The following GPR158 variants were observed in gnomAD, a reference collection of about 807,000 sequenced individuals.
The protein encoded by GPR158 is metabotropic glycine receptor.
A neutral mutation model predicts 78.2 loss-of-function variants in GPR158; 30 were observed. The observed-to-expected ratio is 0.38, with a 90% CI of 0.29 to 0.52. The LOEUF (loss-of-function observed/expected upper bound fraction) is 0.52, where lower values mean the gene tolerates loss of function less well. Ranked by LOEUF, GPR158 falls within the 20% of genes least tolerant of loss-of-function variation. The pLI, the probability that GPR158 is intolerant of heterozygous loss-of-function variation, is 0.83. For synonymous variants in GPR158, 581 were observed against 591.1 expected (o/e 0.98, Z 0.25); for missense variants, 1,463 against 1,523.5 (o/e 0.96, Z 0.66).
chr10:25,319,610 T>C (rs1184025697), intron 2 of GPR158, among the ~76,000 whole-genome samples: 1 of 152,220 alleles, frequency 6.6e-6, no homozygotes, highest in Non-Finnish European at 1.5e-5. Context: ...CCTTATTTGC[T>C]GCCAGCTGGG....
At chr10:25,337,344 C>T (rs769338123) in intron 2 of GPR158, among the ~76,000 whole-genome samples, 1 of 152,032 alleles carries the variant, frequency 6.6e-6, no homozygotes, top group Non-Finnish European at 1.5e-5. Flanking sequence ...CAAGGGTAAA[C>T]ACATTTCTAA....
In GPR158 at chr10:25,214,211, G is replaced by C. The variant is rs546399958; in HGVS notation, c.903-6841G>C. On this transcript the variant is annotated intron_variant, in intron 1 of 10. Transcript: ENST00000376351. ...GGGTTTCACTGTGTTAGCCAGGACAGTGTTGATCTCCTGACCTCGTGATCC... is the reference window on the plus strand; with the variant it reads ...GGGTTTCACTGTGTTAGCCAGGACACTGTTGATCTCCTGACCTCGTGATCC... Among the ~76,000 whole-genome samples, 8 of 152,224 alleles carry C rather than the reference G, an allele frequency of 5.3e-5. No homozygotes were observed. In the South Asian group the frequency reaches 1.7e-3, roughly 32 times the overall value.
chr10:25,453,948 GT>G (rs1335223509), intron 4 of GPR158, among the ~76,000 whole-genome samples: 8 of 151,942 alleles, frequency 5.3e-5, no homozygotes, highest in Non-Finnish European at 1.0e-4. Context: ...TTTGGATTTT[GT>G]TTCTATTTCT....
chr10:25,383,914 G>A (rs2130569000), intron 2 of GPR158, among the ~76,000 whole-genome samples: 1 of 152,318 alleles, frequency 6.6e-6, no homozygotes, highest in Middle Eastern at 3.4e-3. Flanking sequence ...TCAGCCAGTT[G>A]CTAGCTGTGT....
intron 5 of GPR158, among the ~76,000 whole-genome samples, chr10:25,516,425 T>G (rs1274967079): frequency 2.6e-5 from 4 of 152,116 alleles, no homozygotes; most frequent in Non-Finnish European, 5.9e-5. Flanking sequence ...TTTTGGTGTT[T>G]TGGACGTGAA....
At chr10:25,380,036 TAACA>T (rs1834134248) in intron 2 of GPR158, among the ~76,000 whole-genome samples, 1 of 152,154 alleles carries the variant, frequency 6.6e-6, no homozygotes, top group Admixed American at 6.6e-5. Flanking sequence ...TACAGCTTGC[TAACA>T]AACTATTGTT....
At chr10:25,177,421 T>C (rs909329819) in intron 1 of GPR158, among the ~76,000 whole-genome samples, 2 of 152,174 alleles carry the variant, frequency 1.3e-5, no homozygotes, top group Admixed American at 1.3e-4. Flanking sequence ...CTGAGGTTGC[T>C]TTTGTACTTT....
At chr10:25,449,836 A>G (rs1303642482) in intron 4 of GPR158, among the ~76,000 whole-genome samples, 1 of 152,156 alleles carries the variant, frequency 6.6e-6, no homozygotes, top group Non-Finnish European at 1.5e-5. Context: ...GTACATCATG[A>G]ATTTTCCAAT....
intron 5 of GPR158, among the ~76,000 whole-genome samples, chr10:25,529,248 G>A (rs1405786851): frequency 2.0e-5 from 3 of 152,078 alleles, no homozygotes; most frequent in East Asian, 3.9e-4. Context: ...TTAGCCGGGC[G>A]TGGTGGCGGG....
intron 1 of GPR158, among the ~76,000 whole-genome samples, chr10:25,186,390 G>A (rs1368595900): frequency 1.3e-5 from 2 of 152,010 alleles, no homozygotes; most frequent in East Asian, 1.9e-4. Flanking sequence ...AACTGAAGGA[G>A]ATAGAGACAC....
intron 3 of GPR158, among the ~76,000 whole-genome samples, chr10:25,408,983 AC>A (rs1342243507): frequency 6.6e-6 from 1 of 151,910 alleles, no homozygotes; most frequent in Non-Finnish European, 1.5e-5. Context: ...GATTCTGGAA[AC>A]CCTTTATTAA....
At chr10:25,519,903 GA>G (rs1836235787) in intron 5 of GPR158, among the ~76,000 whole-genome samples, 1 of 57,650 alleles carries the variant, frequency 1.7e-5, no homozygotes, top group Non-Finnish European at 3.0e-5. Flanking sequence ...TGTATTTCCT[GA>G]ATCTGAACGT....
At chr10:25,472,579 C>T (rs982407901) in intron 5 of GPR158, among the ~76,000 whole-genome samples, 1 of 152,156 alleles carries the variant, frequency 6.6e-6, no homozygotes, top group Non-Finnish European at 1.5e-5. Flanking sequence ...ACGATATTGA[C>T]TCTTCCTACC....
intron 4 of GPR158, among the ~76,000 whole-genome samples, chr10:25,464,147 A>G (rs1835393283): frequency 6.6e-6 from 1 of 152,224 alleles, no homozygotes; most frequent in Non-Finnish European, 1.5e-5. Flanking sequence ...TGAACTCCTA[A>G]GAAGATTATT....
intron 2 of GPR158, among the ~76,000 whole-genome samples, chr10:25,350,444 C>T (rs572631022): frequency 3.4e-4 from 51 of 152,064 alleles, no homozygotes; most frequent in Admixed American, 1.4e-3. Flanking sequence ...TGCTATCTTT[C>T]TTTCACTTCT....
intron 5 of GPR158, among the ~76,000 whole-genome samples, chr10:25,550,036 G>A (rs895716470): frequency 6.6e-6 from 1 of 152,108 alleles, no homozygotes; most frequent in African/African-American, 2.4e-5. Context: ...TCTTAGGCAG[G>A]GTCAAACCAA....
intron 5 of GPR158, among the ~76,000 whole-genome samples, chr10:25,525,074 C>T (rs1836329629): frequency 6.6e-6 from 1 of 152,086 alleles, no homozygotes; most frequent in African/African-American, 2.4e-5. Context: ...TGTGATAACA[C>T]TTCACACCCA....
chr10:25,575,654 C>T (rs1837082637), intron 7 of GPR158, among the ~76,000 whole-genome samples: 1 of 152,156 alleles, frequency 6.6e-6, no homozygotes, highest in South Asian at 2.1e-4. Flanking sequence ...TAACTAATCT[C>T]AATAGTGCCC....
chr10:25,211,261 C>T (rs1341674192), intron 1 of GPR158, among the ~76,000 whole-genome samples: 2 of 152,032 alleles, frequency 1.3e-5, no homozygotes, highest in African/African-American at 2.4e-5. Context: ...GCCACTATAA[C>T]GATACCTGAG....
Sources: gnomAD v4.1 joint callset for allele counts (sites outside exome capture counted in the v4.1 genomes callset) on GRCh38, gnomAD v4.1.1 for gene constraint, MANE v1.5 for transcripts, NCBI Gene and HGNC (gene_info 2026-07-23, HGNC 2026-07-21) for gene names.